LHFPL6: variants seen among roughly 807,000 people sequenced by gnomAD.
LHFPL6 encodes LHFPL tetraspan subfamily member 6.
LHFPL6 carries 9 observed loss-of-function variants against 20.6 expected under a neutral mutation model. The observed-to-expected ratio is 0.44, with a 90% confidence interval of 0.26 to 0.76. The LOEUF (loss-of-function observed/expected upper bound fraction) is 0.76, where lower values mean the gene tolerates loss of function less well. Ranked by LOEUF, LHFPL6 falls within the 30% of genes least tolerant of loss-of-function variation. The pLI, the probability that LHFPL6 is intolerant of heterozygous loss-of-function variation, is 0.20. For synonymous variants in LHFPL6, 105 were observed against 98.7 expected (o/e 1.06, Z -0.38); for missense variants, 218 against 253.5 (o/e 0.86, Z 0.95).
At chr13:39,549,150 T>A (rs1871070276) in intron 2 of LHFPL6, among the ~76,000 whole-genome samples, 1 of 152,118 alleles carries the variant, frequency 6.6e-6, no homozygotes, top group South Asian at 2.1e-4. Context: ...AACAGGCATA[T>A]GAAATAATGT....
chr13:39,412,913 C>T (rs1871265272), intron 2 of LHFPL6, among the ~76,000 whole-genome samples: 1 of 130,352 alleles, frequency 7.7e-6, no homozygotes, highest in East Asian at 2.2e-4. Context: ...CAGAGCAATA[C>T]TCCCGTCTCA....
At chr13:39,583,566 G>A (rs1304833619) in intron 2 of LHFPL6, among the ~76,000 whole-genome samples, 1 of 152,142 alleles carries the variant, frequency 6.6e-6, no homozygotes, top group African/African-American at 2.4e-5. Context: ...AGAAATTCCA[G>A]AATGACATTT....
At chr13:39,452,993 G>T (rs924478116) in intron 2 of LHFPL6, among the ~76,000 whole-genome samples, 3 of 151,956 alleles carry the variant, frequency 2.0e-5, no homozygotes, top group African/African-American at 7.3e-5. Context: ...GGAATAAACT[G>T]AGATGCCAGG....
chr13:39,570,937 C>A (rs1871893878), intron 2 of LHFPL6, among the ~76,000 whole-genome samples: 1 of 152,178 alleles, frequency 6.6e-6, no homozygotes, highest in South Asian at 2.1e-4. Context: ...TTCTTTATCT[C>A]CCCATCCAGT....
At position 39,562,451 on chromosome 13, in the gene LHFPL6, T is replaced by TAC. The variant is rs1374339050; in HGVS notation, c.385+38380_385+38381insGT. ...ATATACATATATACATATATACACA[T>TAC]ATATACATATATACACATATACACA... is the stretch of plus-strand genomic sequence containing the variant. On this transcript the variant is annotated intron_variant, in intron 2 of 3. Transcript: ENST00000379589. Among the ~76,000 whole-genome samples the TAC allele has an allele frequency of 3.5e-4, 40 of 114,560 alleles. 1 individual carries two copies. The highest frequency in any genetic ancestry group is 4.7e-4 in the Non-Finnish European group (25 of 53,396). The allele number at this position is 114,560 out of a possible 152,430, so 75.2% of individuals were successfully genotyped here.
intron 2 of LHFPL6, among the ~76,000 whole-genome samples, chr13:39,395,792 G>C (rs1426670484): frequency 6.6e-6 from 1 of 152,178 alleles, no homozygotes; most frequent in African/African-American, 2.4e-5. Flanking sequence ...ATTCTCCATG[G>C]ACGTTAACAT....
chr13:39,382,961 A>C (rs1870479888), intron 2 of LHFPL6, among the ~76,000 whole-genome samples: 2 of 152,160 alleles, frequency 1.3e-5, no homozygotes, highest in African/African-American at 2.4e-5. Context: ...TACGTTACAA[A>C]CCGTATGATC....
At chr13:39,379,485 A>G (rs1054692583) in intron 2 of LHFPL6, among the ~76,000 whole-genome samples, 15 of 152,176 alleles carry the variant, frequency 9.9e-5, no homozygotes, top group African/African-American at 3.4e-4. Flanking sequence ...CCCCCTAAAT[A>G]GGAAAATCCA....
intron 2 of LHFPL6, among the ~76,000 whole-genome samples, chr13:39,445,872 T>C (rs1006095778): frequency 1.3e-5 from 2 of 151,962 alleles, no homozygotes; most frequent in Non-Finnish European, 2.9e-5. Context: ...ACAGAAGAGC[T>C]TTAAATTTAG....
At chr13:39,580,742 T>C (rs1872257388) in intron 2 of LHFPL6, among the ~76,000 whole-genome samples, 1 of 152,152 alleles carries the variant, frequency 6.6e-6, no homozygotes, top group Non-Finnish European at 1.5e-5. Flanking sequence ...TCACAAAAAT[T>C]CAAAGAGTTA....
intron 3 of LHFPL6, among the ~76,000 whole-genome samples, chr13:39,370,807 T>C (rs547740201): frequency 6.6e-6 from 1 of 152,236 alleles, no homozygotes; most frequent in Non-Finnish European, 1.5e-5. Flanking sequence ...GCGAGTCATA[T>C]TGAATGTCAC....
intron 2 of LHFPL6, among the ~76,000 whole-genome samples, chr13:39,562,433 T>TATAC (rs1566142015): frequency 9.6e-4 from 83 of 86,294 alleles, no homozygotes; most frequent in Admixed American, 1.2e-3. Context: ...CATATATACA[T>TATAC]ATATACATAT....
intron 2 of LHFPL6, among the ~76,000 whole-genome samples, chr13:39,446,525 C>A (rs760604864): frequency 2.6e-5 from 4 of 151,954 alleles, no homozygotes; most frequent in Non-Finnish European, 5.9e-5. Flanking sequence ...GGACAGTATA[C>A]CCTGAGAGAA....
At chr13:39,496,634 A>C (rs1249836627) in intron 2 of LHFPL6, among the ~76,000 whole-genome samples, 1 of 152,206 alleles carries the variant, frequency 6.6e-6, no homozygotes, top group Non-Finnish European at 1.5e-5. Context: ...CAGGCTGGAT[A>C]ATTCATCAGT....
intron 2 of LHFPL6, among the ~76,000 whole-genome samples, chr13:39,472,431 T>G (rs1198126945): frequency 1.3e-5 from 2 of 152,052 alleles, no homozygotes; most frequent in Non-Finnish European, 2.9e-5. Context: ...CTGCGTCCTT[T>G]CTCATTCTCT....
chr13:39,536,119 G>A (rs1197973316), intron 2 of LHFPL6, among the ~76,000 whole-genome samples: 1 of 152,128 alleles, frequency 6.6e-6, no homozygotes. Context: ...AAGTTCACAA[G>A]CAGCAAGTAG....
intron 2 of LHFPL6, among the ~76,000 whole-genome samples, chr13:39,426,323 C>T (rs535956399): frequency 6.6e-4 from 100 of 151,762 alleles, no homozygotes; most frequent in African/African-American, 2.2e-3. Flanking sequence ...CGGGTTCAAG[C>T]GATTCTCCTG....
intron 2 of LHFPL6, among the ~76,000 whole-genome samples, chr13:39,547,188 T>G (rs902617270): frequency 3.9e-5 from 6 of 152,118 alleles, no homozygotes; most frequent in African/African-American, 1.5e-4. Flanking sequence ...TAATTTTAAT[T>G]TATTTACTTA....
intron 2 of LHFPL6, among the ~76,000 whole-genome samples, chr13:39,592,699 T>A (rs1037546056): frequency 1.3e-5 from 2 of 152,196 alleles, no homozygotes; most frequent in Non-Finnish European, 2.9e-5. Context: ...ATATCCCTGA[T>A]GAACATAGAT....
Sources: gnomAD v4.1 joint callset for allele counts (sites outside exome capture counted in the v4.1 genomes callset) on GRCh38, gnomAD v4.1.1 for gene constraint, MANE v1.5 for transcripts, NCBI Gene and HGNC (gene_info 2026-07-23, HGNC 2026-07-21) for gene names.